The following FOXN3 variants were observed in gnomAD, a reference collection of about 807,000 sequenced individuals.
FOXN3 encodes the protein forkhead box N3.
Under a neutral mutation model 38.4 loss-of-function variants are expected in FOXN3, and 7 were observed. That is an observed-to-expected ratio of 0.18 (90% CI 0.10 to 0.34). The LOEUF (loss-of-function observed/expected upper bound fraction) is 0.34. Among genes scored for constraint, FOXN3 ranks in the 10% least tolerant of loss-of-function variants. The probability of loss-of-function intolerance (pLI) is 1.00; values close to 1 mark genes in which losing one functional copy is unlikely to be tolerated. For synonymous variants in FOXN3, 230 were observed against 242.2 expected, an observed-to-expected ratio of 0.95 and a Z score of 0.47; for missense variants, 456 against 613.4, an observed-to-expected ratio of 0.74 and a Z score of 2.71.
intron 1 of FOXN3, among the ~76,000 whole-genome samples, chr14:89,612,869 C>T: frequency 6.6e-6 from 1 of 151,650 alleles, no homozygotes. Flanking sequence ...CTTGTGCTCC[C>T]AGCACTTTGG....
At chr14:89,331,766 G>A (rs914308522) in intron 3 of FOXN3, among the ~76,000 whole-genome samples, 5 of 152,136 alleles carry the variant, frequency 3.3e-5, no homozygotes, top group African/African-American at 1.2e-4. Context: ...CAAAATAATA[G>A]CCTCCTCTGT....
chr14:89,505,994 C>T (rs1394125811), intron 1 of FOXN3, among the ~76,000 whole-genome samples: 1 of 150,952 alleles, frequency 6.6e-6, no homozygotes, highest in Non-Finnish European at 1.5e-5. Context: ...AGCGTCTCCG[C>T]CTGGCAGCCA....
At chr14:89,311,288 T>C (rs920677655) in intron 3 of FOXN3, among the ~76,000 whole-genome samples, 21 of 147,796 alleles carry the variant, frequency 1.4e-4, no homozygotes, top group African/African-American at 4.5e-4. Flanking sequence ...CTGGCCAACA[T>C]GGTGAAACCC....
chr14:89,384,015 A>G (rs894564742), intron 2 of FOXN3, among the ~76,000 whole-genome samples: 1 of 151,454 alleles, frequency 6.6e-6, no homozygotes, highest in African/African-American at 2.5e-5. Flanking sequence ...GTGGACATGA[A>G]TTTGGTGGGG....
At chr14:89,601,212 G>A (rs983620433) in intron 1 of FOXN3, among the ~76,000 whole-genome samples, 4 of 152,150 alleles carry the variant, frequency 2.6e-5, no homozygotes, top group African/African-American at 9.7e-5. Flanking sequence ...TGCTATTCAG[G>A]ATACCACTTC....
intron 3 of FOXN3, among the ~76,000 whole-genome samples, chr14:89,300,523 C>A (rs1378912231): frequency 1.3e-5 from 2 of 152,266 alleles, no homozygotes; most frequent in East Asian, 3.9e-4. Flanking sequence ...GACAGTCTGG[C>A]TCCCGGTACT....
At chr14:89,230,770 C>T (rs1566934611) in intron 4 of FOXN3, 1 of 400,854 alleles carries the variant, frequency 2.5e-6, no homozygotes, top group Non-Finnish European at 5.1e-6. Context: ...GATAAACAAA[C>T]ATTCTTGGAT....
At chr14:89,419,185 T>G (rs770442599), upstream of FOXN3, 2 of 456,034 alleles carry the variant, frequency 4.4e-6, no homozygotes, top group South Asian at 3.1e-5. Context: ...TGAGAAGGTG[T>G]CACCCTGAAG....
At chr14:89,363,968 AT>A (rs1262216405) in intron 2 of FOXN3, among the ~76,000 whole-genome samples, 18 of 120,384 alleles carry the variant, frequency 1.5e-4, no homozygotes, top group African/African-American at 2.9e-4. Flanking sequence ...ATATATATAT[AT>A]ATATATATAT....
chr14:89,241,206 C>T (rs187897413), intron 4 of FOXN3, among the ~76,000 whole-genome samples: 54 of 152,322 alleles, frequency 3.5e-4, no homozygotes, highest in Admixed American at 1.7e-3. Flanking sequence ...GCAACCCAAA[C>T]GTTTAGACCG....
At chr14:89,447,880 C>A (rs1244744843) in intron 1 of FOXN3, among the ~76,000 whole-genome samples, 2 of 130,898 alleles carry the variant, frequency 1.5e-5, no homozygotes, top group East Asian at 2.3e-4. Context: ...TGCAATGGCA[C>A]CATCTCGGCT....
In FOXN3 at chr14:89,555,838, G is replaced by GGTGTGTGTGT. The variant is rs201016882; in HGVS notation, c.-15+63180_-15+63189dup. ...TCATAAAGCTTACCTTCTAGTTCAT[G>GGTGTGTGTGT]GTGTGTGTGTGTGTGTGTGTGTGTG... On this transcript the variant is annotated intron_variant, in intron 1 of 6. Coordinates refer to the FOXN3 transcript ENST00000345097. Among the ~76,000 whole-genome samples the GGTGTGTGTGT allele has an allele frequency of 9.7e-3, 872 of 89,664 alleles. 44 individuals carry two copies. Among genetic ancestry groups the GGTGTGTGTGT allele is most frequent in the African/African-American group, 0.023 (768 of 33,208 alleles). 58.8% of individuals were successfully genotyped at this position (89,664 alleles called of 152,430 possible).
At chr14:89,380,988 A>C (rs1367556249) in intron 2 of FOXN3, among the ~76,000 whole-genome samples, 1 of 151,878 alleles carries the variant, frequency 6.6e-6, no homozygotes, top group Non-Finnish European at 1.5e-5. Context: ...CTAAAAATAC[A>C]AAAAGTAGCC....
Position 89,564,293 on chromosome 14 carries a change from A to G in FOXN3, c.-15+54735T>C, listed in dbSNP as rs144670438. Among the ~76,000 whole-genome samples, 552 of 152,320 alleles carry G rather than the reference A, an allele frequency of 3.6e-3. 3 individuals carry two copies. The highest frequency in any genetic ancestry group is 0.012 in the African/African-American group (518 of 41,576). On this transcript the variant is annotated intron_variant, in intron 1 of 6. Transcript: ENST00000345097. ...TAGAATATATACAAAAATAAATAGA[A>G]TTAACCCTCCAAACTGAAGAGCTTT...
intron 4 of FOXN3, among the ~76,000 whole-genome samples, chr14:89,267,635 C>A (rs1028487709): frequency 6.6e-6 from 1 of 152,090 alleles, no homozygotes; most frequent in Non-Finnish European, 1.5e-5. Context: ...AGGTCAGAAC[C>A]AAAGATATAG....
intron 4 of FOXN3, among the ~76,000 whole-genome samples, chr14:89,222,177 T>C (rs191023023): frequency 6.6e-6 from 1 of 152,320 alleles, no homozygotes; most frequent in East Asian, 1.9e-4. Flanking sequence ...GCCATTGCTG[T>C]GGCACACAGA....
chr14:89,239,186 T>C (rs1885069911), intron 4 of FOXN3, among the ~76,000 whole-genome samples: 1 of 152,200 alleles, frequency 6.6e-6, no homozygotes, highest in African/African-American at 2.4e-5. Flanking sequence ...AAGAGCTGAA[T>C]TGGTATCTCC....
chr14:89,207,510 T>G (rs1227451167), intron 4 of FOXN3, among the ~76,000 whole-genome samples: 2 of 152,136 alleles, frequency 1.3e-5, no homozygotes, highest in Non-Finnish European at 2.9e-5. Context: ...ACAGAAGAAA[T>G]TATATGATAA....
intron 2 of FOXN3, among the ~76,000 whole-genome samples, chr14:89,360,616 G>A (rs185751609): frequency 1.3e-5 from 2 of 149,840 alleles, no homozygotes; most frequent in African/African-American, 5.0e-5. Context: ...GAGGGAAGGA[G>A]GGAAGGAAGG....
Sources: gnomAD v4.1 joint callset for allele counts (sites outside exome capture counted in the v4.1 genomes callset) on GRCh38, gnomAD v4.1.1 for gene constraint, MANE v1.5 for transcripts, NCBI Gene and HGNC (gene_info 2026-07-23, HGNC 2026-07-21) for gene names.